The following ADAMTSL3 variants were observed in gnomAD, a reference collection of about 807,000 sequenced individuals.
ADAMTSL3 encodes the protein ADAMTS-like protein 3.
A neutral mutation model predicts 201.7 loss-of-function variants in ADAMTSL3; 128 were observed. That is an observed-to-expected ratio of 0.63 (90% CI 0.55 to 0.73). ADAMTSL3 has a LOEUF of 0.73. ADAMTSL3 is among the 30% of genes least tolerant of loss of function. The probability of loss-of-function intolerance (pLI) is 0.00; values close to 1 mark genes in which losing one functional copy is unlikely to be tolerated. For missense variants in ADAMTSL3, 1,990 were observed against 2,119.6 expected (o/e 0.94, Z 1.20); for synonymous variants, 738 against 748.4 (o/e 0.99, Z 0.23).
At chr15:83,856,738 T>G (rs1030792224) in intron 7 of ADAMTSL3, among the ~76,000 whole-genome samples, 1 of 152,210 alleles carries the variant, frequency 6.6e-6, no homozygotes, top group Non-Finnish European at 1.5e-5. Flanking sequence ...TGTTTCTTCC[T>G]TTCGTCTATT....
intron 28 of ADAMTSL3, among the ~76,000 whole-genome samples, chr15:84,034,235 T>C (rs1402524852): frequency 6.6e-6 from 1 of 152,204 alleles, no homozygotes; most frequent in Admixed American, 6.5e-5. Flanking sequence ...TTTATGACCA[T>C]GGGCTCTCTG....
chr15:83,761,610 G>A (rs1236853302), intron 3 of ADAMTSL3, among the ~76,000 whole-genome samples: 1 of 152,094 alleles, frequency 6.6e-6, no homozygotes, highest in African/African-American at 2.4e-5. Context: ...CTCTCCATCA[G>A]ACTTTTAAAT....
chr15:83,683,565 G>A (rs2061501138), intron 2 of ADAMTSL3, among the ~76,000 whole-genome samples: 2 of 152,120 alleles, frequency 1.3e-5, no homozygotes, highest in Non-Finnish European at 2.9e-5. Context: ...ACAATCTAGA[G>A]CAGATCCTGG....
chr15:83,896,410 A>G (rs2065615660), intron 13 of ADAMTSL3, among the ~76,000 whole-genome samples: 1 of 152,218 alleles, frequency 6.6e-6, no homozygotes. Flanking sequence ...TAGAATCAGA[A>G]AGGAAATTAT....
At chr15:83,718,622 CA>C (rs1269807104) in intron 3 of ADAMTSL3, among the ~76,000 whole-genome samples, 1 of 149,394 alleles carries the variant, frequency 6.7e-6, no homozygotes, top group African/African-American at 2.5e-5. Flanking sequence ...ACCCGGGAGG[CA>C]GAGGTTGCCG....
At chr15:84,035,029 C>A (rs1264502072) in intron 28 of ADAMTSL3, among the ~76,000 whole-genome samples, 1 of 152,160 alleles carries the variant, frequency 6.6e-6, no homozygotes, top group African/African-American at 2.4e-5. Context: ...CTCTACTGGA[C>A]AGACCTTGCT....
At chr15:83,877,496 A>G (rs776769668) in intron 9 of ADAMTSL3, among the ~76,000 whole-genome samples, 1 of 152,166 alleles carries the variant, frequency 6.6e-6, no homozygotes, top group East Asian at 1.9e-4. Flanking sequence ...CCATTGTGAG[A>G]TATCTACTGT....
intron 3 of ADAMTSL3, among the ~76,000 whole-genome samples, chr15:83,705,374 G>A (rs982261018): frequency 5.3e-5 from 8 of 152,140 alleles, no homozygotes; most frequent in African/African-American, 1.9e-4. Flanking sequence ...CAGTGACTGA[G>A]GCCAGCTGTG....
At chr15:83,864,489 A>G (rs958742131) in intron 8 of ADAMTSL3, among the ~76,000 whole-genome samples, 1 of 152,254 alleles carries the variant, frequency 6.6e-6, no homozygotes, top group African/African-American at 2.4e-5. Flanking sequence ...AATCCAGCAT[A>G]TAAATAGAAC....
At chr15:83,809,052 T>G (rs1205324540) in intron 5 of ADAMTSL3, among the ~76,000 whole-genome samples, 1 of 151,870 alleles carries the variant, frequency 6.6e-6, no homozygotes, top group African/African-American at 2.4e-5. Flanking sequence ...GGAAGGATGA[T>G]TTTTGGTGTC....
intron 20 of ADAMTSL3, among the ~76,000 whole-genome samples, chr15:83,980,893 C>A (rs996970974): frequency 1.3e-5 from 2 of 152,210 alleles, no homozygotes; most frequent in Non-Finnish European, 2.9e-5. Context: ...AGTAAACACA[C>A]TGTAGCCAGC....
chr15:83,960,995 A>G (rs1258468320), intron 19 of ADAMTSL3, among the ~76,000 whole-genome samples: 2 of 152,186 alleles, frequency 1.3e-5, no homozygotes, highest in African/African-American at 2.4e-5. Context: ...GTTGAGACAG[A>G]TAGGTTCTAT....
intron 3 of ADAMTSL3, among the ~76,000 whole-genome samples, chr15:83,737,737 T>G (rs1027093818): frequency 5.9e-5 from 9 of 152,136 alleles, no homozygotes; most frequent in Non-Finnish European, 1.2e-4. Context: ...CCAGAGAGTA[T>G]CAATTGGGAT....
At chr15:83,956,385 G>T (rs566375801) in intron 19 of ADAMTSL3, among the ~76,000 whole-genome samples, 1 of 152,252 alleles carries the variant, frequency 6.6e-6, no homozygotes, top group South Asian at 2.1e-4. Context: ...GTACTGTGAT[G>T]GCTCACCCAA....
chr15:83,787,676 G>C (rs1450315257), intron 4 of ADAMTSL3, among the ~76,000 whole-genome samples: 1 of 151,810 alleles, frequency 6.6e-6, no homozygotes, highest in African/African-American at 2.4e-5. Context: ...TTCTCTTGGT[G>C]TTTTATCCAC....
chr15:83,884,318 C>T (rs1247853626), intron 9 of ADAMTSL3, among the ~76,000 whole-genome samples: 1 of 148,784 alleles, frequency 6.7e-6, no homozygotes, highest in Admixed American at 6.7e-5. Flanking sequence ...ATATATGTTA[C>T]CTCATTGGTG....
rs142783401 is a variant in ADAMTSL3, at chr15:83,889,562, G to A, written c.1073-547G>A. On this transcript the variant is annotated intron_variant, in intron 10 of 29. Transcript: ENST00000286744. ...GTAAGACGGTTGCATATTTCAGGAC[G>A]TATCAACAACAAATCGAAATAGGTG... Among the ~76,000 whole-genome samples, 1,235 of 152,232 alleles carry A rather than the reference G, an allele frequency of 8.1e-3. 7 individuals are homozygous for A. Among genetic ancestry groups the A allele is most frequent in the African/African-American group, 0.012 (478 of 41,554 alleles).
chr15:83,958,898 A>C (rs755518650), intron 19 of ADAMTSL3, among the ~76,000 whole-genome samples: 8 of 152,180 alleles, frequency 5.3e-5, no homozygotes, highest in Non-Finnish European at 1.2e-4. Flanking sequence ...CTGGGCAGAG[A>C]AAGTGTAATA....
intron 3 of ADAMTSL3, among the ~76,000 whole-genome samples, chr15:83,716,990 CTGCATTAAGACA>C (rs2062028760): frequency 6.6e-6 from 1 of 152,166 alleles, no homozygotes; most frequent in Non-Finnish European, 1.5e-5. Context: ...TAGGTTTACA[CTGCATTAAGACA>C]TATATTTATC....
Sources: allele counts gnomAD v4.1 joint callset (sites outside exome capture counted in the v4.1 genomes callset), GRCh38; gene constraint gnomAD v4.1.1; transcripts MANE v1.5; gene names NCBI Gene and HGNC (gene_info 2026-07-23, HGNC 2026-07-21).